Variants in PCDHA7 observed in about 807,000 individuals in gnomAD.
PCDHA7 encodes protocadherin alpha-7.
Under a neutral mutation model 57.2 loss-of-function variants are expected in PCDHA7, and 37 were observed. The ratio of observed to expected loss-of-function variants is 0.65; its 90% confidence interval spans 0.50 to 0.85. The LOEUF is 0.85. Ranked by LOEUF, PCDHA7 falls within the 40% of genes least tolerant of loss-of-function variation. PCDHA7 has a pLI of 0.00. For missense variants in PCDHA7, 1,188 were observed against 1,241.8 expected (o/e 0.96, Z 0.65); for synonymous variants, 553 against 558.8 (o/e 0.99, Z 0.15).
At chr5:140,921,868 T>C (rs1037750056) in intron 1 of PCDHA7, among the ~76,000 whole-genome samples, 1 of 152,016 alleles carries the variant, frequency 6.6e-6, no homozygotes, top group Non-Finnish European at 1.5e-5. Context: ...ATATATACAG[T>C]ATATATATAA....
chr5:140,845,304 G>T (rs180945662), intron 1 of PCDHA7, among the ~76,000 whole-genome samples: 1 of 149,326 alleles, frequency 6.7e-6, no homozygotes, highest in African/African-American at 2.4e-5. Context: ...ATGTCTACCT[G>T]GTTCTCAGGT....
chr5:140,984,666 G>T (rs769681431), intron 3 of PCDHA7, among the ~76,000 whole-genome samples: 115 of 152,058 alleles, frequency 7.6e-4, no homozygotes, highest in Admixed American at 1.2e-3. Flanking sequence ...GTACTTTTAG[G>T]TTTTTAGGAC....
intron 1 of PCDHA7, among the ~76,000 whole-genome samples, chr5:140,897,090 C>G (rs1420408825): frequency 6.6e-6 from 1 of 151,950 alleles, no homozygotes; most frequent in Non-Finnish European, 1.5e-5. Context: ...ATTTTTTATC[C>G]TCATTAAAAA....
intron 1 of PCDHA7, among the ~76,000 whole-genome samples, chr5:140,943,453 G>T (rs545980639): frequency 3.3e-4 from 50 of 152,158 alleles, no homozygotes; most frequent in Admixed American, 2.6e-4. Context: ...GAATTGATAA[G>T]GCTAAATGTG....
intron 1 of PCDHA7, chr5:140,882,641 G>A (rs1464189390): frequency 6.2e-7 from 1 of 1,614,104 alleles, no homozygotes; most frequent in Non-Finnish European, 8.5e-7. Context: ...GAAGGTGAGG[G>A]ACATTAACGA....
At chr5:140,893,666 C>T (rs2064116335) in intron 1 of PCDHA7, among the ~76,000 whole-genome samples, 1 of 152,160 alleles carries the variant, frequency 6.6e-6, no homozygotes, top group African/African-American at 2.4e-5. Flanking sequence ...TAAAAAATTT[C>T]AGCACTTTGG....
At chr5:140,858,280 G>A (rs782403060) in intron 1 of PCDHA7, 11 of 1,597,460 alleles carry the variant, frequency 6.9e-6, no homozygotes, top group Non-Finnish European at 5.1e-6. Flanking sequence ...GCGCGGTGGG[G>A]AGCTGGTCTT....
intron 1 of PCDHA7, chr5:140,869,064 A>G (rs782442864): frequency 1.9e-6 from 3 of 1,559,452 alleles, no homozygotes; most frequent in East Asian, 4.5e-5. Flanking sequence ...TGGTACTGTA[A>G]GTGTAAAGAA....
In PCDHA7 at chr5:140,857,385, A is replaced by T. The variant is rs1300471931; in HGVS notation, c.2355+20647A>T. On this transcript the variant is annotated intron_variant, in intron 1 of 3. Coordinates refer to ENST00000525929, the MANE Select transcript of PCDHA7 (RefSeq NM_018910.3). ...GCCAGCGTGTCTGTGGAGGTGGCCG[A>T]CGTGAACGACAACGCGCCTGCGTTC... The T allele has an allele frequency of 1.8e-5, 29 of 1,598,230 alleles. 2 individuals carry two copies. Among genetic ancestry groups the T allele is most frequent in the Non-Finnish European group, 2.3e-5 (27 of 1,167,886 alleles).
At chr5:140,928,576 A>G in intron 1 of PCDHA7, 1 of 1,614,160 alleles carries the variant, frequency 6.2e-7, no homozygotes, top group South Asian at 1.1e-5. Flanking sequence ...CTTGCCCAGA[A>G]ATGGTTCTGT....
At chr5:140,965,851 A>C (rs1257954575) in intron 1 of PCDHA7, among the ~76,000 whole-genome samples, 1 of 152,252 alleles carries the variant, frequency 6.6e-6, no homozygotes, top group Non-Finnish European at 1.5e-5. Flanking sequence ...GCCAAGGCAC[A>C]CACTGAAAAT....
chr5:140,901,546 T>C (rs2068734079), intron 1 of PCDHA7, among the ~76,000 whole-genome samples: 1 of 152,212 alleles, frequency 6.6e-6, no homozygotes, highest in Non-Finnish European at 1.5e-5. Flanking sequence ...TCTATTCTGT[T>C]CCATTCATCT....
intron 1 of PCDHA7, among the ~76,000 whole-genome samples, chr5:140,939,276 C>T (rs146183157): frequency 6.6e-6 from 1 of 152,174 alleles, no homozygotes; most frequent in Non-Finnish European, 1.5e-5. Flanking sequence ...GAGAGCTGTG[C>T]CCTCGTGATC....
intron 1 of PCDHA7, among the ~76,000 whole-genome samples, chr5:140,839,745 C>T (rs1414249750): frequency 6.6e-6 from 1 of 151,938 alleles, no homozygotes; most frequent in Non-Finnish European, 1.5e-5. Flanking sequence ...CCCTTATTTG[C>T]CTTTCCTATT....
At chr5:140,938,427 T>G (rs992312670) in intron 1 of PCDHA7, among the ~76,000 whole-genome samples, 3 of 152,206 alleles carry the variant, frequency 2.0e-5, no homozygotes, top group African/African-American at 7.2e-5. Flanking sequence ...GCAAAAATCC[T>G]TTATCAGATT....
intron 1 of PCDHA7, among the ~76,000 whole-genome samples, chr5:140,938,996 A>C (rs1212565184): frequency 2.6e-5 from 4 of 152,206 alleles, no homozygotes; most frequent in Non-Finnish European, 4.4e-5. Context: ...TTATATAGTA[A>C]GTTAAGAAGT....
chr5:140,844,618 A>C (rs1230516172), intron 1 of PCDHA7, among the ~76,000 whole-genome samples: 1 of 149,532 alleles, frequency 6.7e-6, no homozygotes, highest in Non-Finnish European at 1.5e-5. Context: ...AAATGTTTTC[A>C]TCAGAAAAAC....
At chr5:140,896,099 C>T (rs1395621401) in intron 1 of PCDHA7, among the ~76,000 whole-genome samples, 1 of 152,236 alleles carries the variant, frequency 6.6e-6, no homozygotes, top group Non-Finnish European at 1.5e-5. Context: ...GCGTGAGCCA[C>T]TGTGCCTGGC....
At chr5:140,967,843 T>C (rs782701780) in intron 1 of PCDHA7, 3 of 1,614,102 alleles carry the variant, frequency 1.9e-6, no homozygotes, top group Admixed American at 3.3e-5. Flanking sequence ...TGGACGTGAA[T>C]GACAATGCCC....
Sources: gnomAD v4.1 joint callset for allele counts (sites outside exome capture counted in the v4.1 genomes callset) on GRCh38, gnomAD v4.1.1 for gene constraint, MANE v1.5 for transcripts, NCBI Gene and HGNC (gene_info 2026-07-23, HGNC 2026-07-21) for gene names.